Variants in DSCAM observed in about 807,000 individuals in gnomAD.
DSCAM encodes the protein DS cell adhesion molecule, also known as cell adhesion molecule DSCAM.
A neutral mutation model predicts 217.7 loss-of-function variants in DSCAM; 47 were observed. The ratio of observed to expected loss-of-function variants is 0.22; its 90% CI spans 0.17 to 0.28. The LOEUF (loss-of-function observed/expected upper bound fraction) is 0.28, where lower values mean the gene tolerates loss of function less well. Ranked by LOEUF, DSCAM falls within the 10% of genes least tolerant of loss-of-function variation. The pLI is 1.00. For synonymous variants in DSCAM, 1,056 were observed against 1,015.3 expected (o/e 1.04, Z -0.76); for missense variants, 2,080 against 2,618.3 (o/e 0.79, Z 4.49).
chr21:40,329,816 A>G (rs940278819), intron 8 of DSCAM, among the ~76,000 whole-genome samples: 1 of 152,034 alleles, frequency 6.6e-6, no homozygotes, highest in Admixed American at 6.6e-5. Flanking sequence ...ACATCATCTA[A>G]CTCATATATG....
chr21:40,404,384 T>C (rs566531329), intron 3 of DSCAM, among the ~76,000 whole-genome samples: 10 of 152,214 alleles, frequency 6.6e-5, no homozygotes, highest in Non-Finnish European at 1.5e-4. Context: ...TTGCAAGTGA[T>C]TTCCTAAGAT....
intron 1 of DSCAM, among the ~76,000 whole-genome samples, chr21:40,793,149 G>T (rs2091661877): frequency 6.6e-6 from 1 of 152,192 alleles, no homozygotes; most frequent in Non-Finnish European, 1.5e-5. Context: ...CAGGCAAATT[G>T]TTCATGTGCC....
At chr21:40,478,080 A>T (rs1179427713) in intron 3 of DSCAM, among the ~76,000 whole-genome samples, 1 of 152,208 alleles carries the variant, frequency 6.6e-6, no homozygotes, top group Admixed American at 6.5e-5. Flanking sequence ...CTGTTTTGGA[A>T]GTTTATGTAA....
At chr21:40,690,323 G>A (rs572731665) in intron 3 of DSCAM, among the ~76,000 whole-genome samples, 81 of 152,238 alleles carry the variant, frequency 5.3e-4, no homozygotes, top group African/African-American at 1.8e-3. Flanking sequence ...CTGCTTTGGG[G>A]CCTTGTTGTC....
Position 40,191,552 on chromosome 21 carries a change from C to T in DSCAM, c.2357-2314G>A, listed in dbSNP as rs192021778. On this transcript the variant is annotated intron_variant, in intron 11 of 32. Coordinates refer to ENST00000400454, the MANE Select transcript of DSCAM (RefSeq NM_001389.5). ...GCTTTATTGTGGTATAATATCCATACCATAAAATTCACCTGTTTTAAGTGT... is the reference window on the plus strand; with the variant it reads ...GCTTTATTGTGGTATAATATCCATATCATAAAATTCACCTGTTTTAAGTGT... Among the ~76,000 whole-genome samples, 41 of 152,158 alleles carry T rather than the reference C, an allele frequency of 2.7e-4. No homozygotes were observed. In the East Asian group the frequency reaches 4.6e-3, roughly 17 times the overall value.
At position 40,462,676 on chromosome 21, in the gene DSCAM, G is replaced by C. The variant is rs564877793; in HGVS notation, c.509-93431C>G. Among the ~76,000 whole-genome samples, 3 of 152,024 alleles carry C rather than the reference G, an allele frequency of 2.0e-5. No homozygotes were observed. The East Asian group carries it at 5.8e-4, about 29-fold the overall frequency. Reference sequence around the variant, plus strand: ...ATCTTGATACATTGAAACCACTCAGGGCCAATTAAAATGTATAGATACCTG... The same window carrying C: ...ATCTTGATACATTGAAACCACTCAGCGCCAATTAAAATGTATAGATACCTG... On this transcript the variant is annotated intron_variant, in intron 3 of 32. Transcript: ENST00000400454.
chr21:40,762,216 A>G (rs2091342965), intron 1 of DSCAM, among the ~76,000 whole-genome samples: 1 of 152,196 alleles, frequency 6.6e-6, no homozygotes, highest in African/African-American at 2.4e-5. Flanking sequence ...ACCACTAGAT[A>G]GACTAATAAA....
intron 32 of DSCAM, among the ~76,000 whole-genome samples, chr21:40,022,462 G>C (rs1286799900): frequency 6.6e-6 from 1 of 152,196 alleles, no homozygotes; most frequent in East Asian, 1.9e-4. Context: ...ATAAAGCATT[G>C]AATTCAACCA....
intron 19 of DSCAM, among the ~76,000 whole-genome samples, chr21:40,129,701 G>A (rs1252639596): frequency 6.6e-6 from 1 of 152,226 alleles, no homozygotes; most frequent in African/African-American, 2.4e-5. Flanking sequence ...ATCTTGAGCA[G>A]TGTGGATTGG....
In DSCAM at chr21:40,394,205, A is replaced by T. The variant is rs140560688; in HGVS notation, c.509-24960T>A. ...ACCTAGAATATGAAGATGAGGCGAG[A>T]TAAAGATAAGAACAATGATCTTTAT... On this transcript the variant is annotated intron_variant, in intron 3 of 32. Transcript: ENST00000400454. Among the ~76,000 whole-genome samples, 6 of 152,356 alleles carry T rather than the reference A, an allele frequency of 3.9e-5. No individual in the cohort carries two copies. The East Asian group carries it at 1.2e-3, about 29-fold the overall frequency.
intron 3 of DSCAM, among the ~76,000 whole-genome samples, chr21:40,378,874 T>G (rs964246199): frequency 6.6e-6 from 1 of 152,084 alleles, no homozygotes; most frequent in Admixed American, 6.5e-5. Context: ...ATTACAGGCG[T>G]GAGCCACCGC....
rs75644208 is a variant in DSCAM at position 40,049,518 on chromosome 21, T to TA, written c.5185+2439dup. Among the ~76,000 whole-genome samples the TA allele has an allele frequency of 1.6e-4, 25 of 152,318 alleles. No homozygotes were observed. In the East Asian group the frequency reaches 4.6e-3, roughly 28 times the overall value. ...CTTCATTCTCTTTCTGTCTAGGACT[T>TA]ACTGAGAAATGAAAACTACTTTAGT... is the stretch of plus-strand genomic sequence containing the variant. On this transcript the variant is annotated intron_variant, in intron 30 of 32. Transcript: ENST00000400454.
At chr21:40,357,222 C>T (rs2074703278) in intron 4 of DSCAM, among the ~76,000 whole-genome samples, 1 of 152,164 alleles carries the variant, frequency 6.6e-6, no homozygotes, top group South Asian at 2.1e-4. Flanking sequence ...CTTCATTTAC[C>T]TGCTTCTAAA....
At chr21:40,464,933 G>C (rs1424669347) in intron 3 of DSCAM, among the ~76,000 whole-genome samples, 1 of 151,972 alleles carries the variant, frequency 6.6e-6, no homozygotes, top group African/African-American at 2.4e-5. Context: ...TAGAGATGAG[G>C]TTTCACCACG....
rs368231646 is a variant in DSCAM at position 40,650,463 on chromosome 21, T to G, written c.508+42347A>C. Among the ~76,000 whole-genome samples, 166 of 152,342 alleles carry G rather than the reference T, an allele frequency of 1.1e-3. 3 individuals are homozygous for G. The highest frequency in any genetic ancestry group is 3.7e-3 in the African/African-American group (154 of 41,572). Reference sequence around the variant, plus strand: ...TCTGTGAAAGTGTTTTCAGAAGAGATTAACATTTGAATCAGTGAACTGAGT... The same window carrying G: ...TCTGTGAAAGTGTTTTCAGAAGAGAGTAACATTTGAATCAGTGAACTGAGT... On this transcript the variant is annotated intron_variant, in intron 3 of 32. Transcript: ENST00000400454.
intron 3 of DSCAM, among the ~76,000 whole-genome samples, chr21:40,493,745 C>G (rs969811587): frequency 1.3e-5 from 2 of 151,570 alleles, no homozygotes; most frequent in Non-Finnish European, 2.9e-5. Flanking sequence ...TGCCTGTAAT[C>G]CCAGCTACTC....
chr21:40,139,165 G>A (rs2094242371), intron 18 of DSCAM, among the ~76,000 whole-genome samples: 1 of 150,824 alleles, frequency 6.6e-6, no homozygotes, highest in Non-Finnish European at 1.5e-5. Flanking sequence ...TATGTGGGGT[G>A]TGTGTGGTGT....
At chr21:40,587,293 G>A (rs1447476610) in intron 3 of DSCAM, among the ~76,000 whole-genome samples, 1 of 152,138 alleles carries the variant, frequency 6.6e-6, no homozygotes, top group African/African-American at 2.4e-5. Flanking sequence ...TAATTTTCAT[G>A]ACAAAATCTG....
chr21:40,216,244 CA>C (rs112801971), intron 11 of DSCAM, among the ~76,000 whole-genome samples: 2,208 of 151,990 alleles, frequency 0.015, 53 homozygotes, highest in African/African-American at 0.05. Flanking sequence ...GCTAAGACTA[CA>C]GTCATGTGTC....
Sources: gnomAD v4.1 joint callset for allele counts (sites outside exome capture counted in the v4.1 genomes callset) on GRCh38, gnomAD v4.1.1 for gene constraint, MANE v1.5 for transcripts, NCBI Gene and HGNC (gene_info 2026-07-23, HGNC 2026-07-21) for gene names.